RALGAPA2: variants seen among roughly 807,000 people sequenced by gnomAD.
The protein encoded by RALGAPA2 is Ral GTPase activating protein catalytic subunit alpha 2.
A neutral mutation model predicts 230.4 loss-of-function variants in RALGAPA2; 139 were observed. The ratio of observed to expected loss-of-function variants is 0.60; its 90% CI spans 0.53 to 0.69. The LOEUF (loss-of-function observed/expected upper bound fraction) is 0.69. Among genes scored for constraint, RALGAPA2 ranks in the 30% least tolerant of loss-of-function variants. The pLI is 0.00. For missense variants in RALGAPA2, 2,163 were observed against 2,276.0 expected, an observed-to-expected ratio of 0.95 and a Z score of 1.01; for synonymous variants, 847 against 837.8, an observed-to-expected ratio of 1.01 and a Z score of -0.19.
At chr20:20,418,608 G>C (rs1602312313) in intron 37 of RALGAPA2, among the ~76,000 whole-genome samples, 1 of 152,188 alleles carries the variant, frequency 6.6e-6, no homozygotes, top group East Asian at 1.9e-4. Flanking sequence ...TCACACAATG[G>C]GATATTATAT....
Position 20,512,872 on chromosome 20 carries a change from C to A in RALGAPA2, c.4497G>T (p.Trp1499Cys), listed in dbSNP as rs1399011151. 6.2e-7 allele frequency: 1 copy of A among 1,613,738 alleles called. No homozygotes were observed. The highest frequency in any genetic ancestry group is 1.1e-5 in the South Asian group (1 of 91,080). The change falls in exon 32 of 40, where the codon TGG (tryptophan) becomes TGT (cysteine). Residue 1499 changes from tryptophan to cysteine, a missense_variant. By Grantham distance (215) the Trp-to-Cys change is radical. Transcript: ENST00000202677. The part of the protein sequence containing the change: ...GRNPSFLISS[W>C]HRDTFGPQKD... ...TCTGAGGTCCAAATGTGTCACGATGCCAGCTCGAAATCAGAAATGAAGGAT... is the reference window on the plus strand; with the variant it reads ...TCTGAGGTCCAAATGTGTCACGATGACAGCTCGAAATCAGAAATGAAGGAT...
chr20:20,697,266 G>A (rs773487993), intron 1 of RALGAPA2, among the ~76,000 whole-genome samples: 2 of 152,010 alleles, frequency 1.3e-5, no homozygotes, highest in Non-Finnish European at 2.9e-5. Flanking sequence ...GGAGAGCAAG[G>A]CTGCAGTGAG....
chr20:20,611,086 A>G (rs897626740), intron 14 of RALGAPA2, among the ~76,000 whole-genome samples: 5 of 151,960 alleles, frequency 3.3e-5, no homozygotes, highest in African/African-American at 1.2e-4. Context: ...AATTCCTACC[A>G]CCCTTGAGCA....
In RALGAPA2 at chr20:20,437,345, G is replaced by A. The variant is rs1373726932; in HGVS notation, c.5496-25197C>T. On this transcript the variant is annotated intron_variant, in intron 37 of 39. Transcript: ENST00000202677. This position sits in a 1 kb window ranked among gnomAD's most constrained non-coding sequence, Gnocchi z 4.1. ...ACCTGACCACTTGTCACCACCACAC[G>A]CCACCATCCAGGCCACGCCATTGTC... 1.3e-5 allele frequency among the ~76,000 whole-genome samples: 2 copies of A among 151,890 alleles called. No homozygotes were observed. Among genetic ancestry groups the A allele is most frequent in the East Asian group, 1.9e-4 (1 of 5,160 alleles).
At chr20:20,485,196 A>G (rs777278385) in intron 36 of RALGAPA2, among the ~76,000 whole-genome samples, 33 of 151,868 alleles carry the variant, frequency 2.2e-4, no homozygotes, top group Non-Finnish European at 3.7e-4. Context: ...ATTTGGGCCA[A>G]CTCCTCACTG....
chr20:20,465,132 C>T (rs901234192), intron 37 of RALGAPA2, among the ~76,000 whole-genome samples: 2 of 146,722 alleles, frequency 1.4e-5, no homozygotes, highest in Admixed American at 1.4e-4. Flanking sequence ...CAGCTTCTTC[C>T]CTCCCCCCGC....
At chr20:20,528,281 C>A (rs1602661787) in intron 27 of RALGAPA2, among the ~76,000 whole-genome samples, 2 of 152,206 alleles carry the variant, frequency 1.3e-5, no homozygotes, top group African/African-American at 4.8e-5. Flanking sequence ...GAGTGCCATG[C>A]TGAGCGCTCC....
At chr20:20,585,523 T>G (rs2065109092) in intron 18 of RALGAPA2, among the ~76,000 whole-genome samples, 1 of 152,134 alleles carries the variant, frequency 6.6e-6, no homozygotes, top group East Asian at 1.9e-4. Flanking sequence ...CATACACAAA[T>G]TACACAAAAT....
At chr20:20,678,571 C>G (rs1386886692) in intron 2 of RALGAPA2, among the ~76,000 whole-genome samples, 1 of 152,128 alleles carries the variant, frequency 6.6e-6, no homozygotes, top group Non-Finnish European at 1.5e-5. Context: ...CTCTCCATGT[C>G]TCTTCTTTTT....
At chr20:20,643,480 A>G in intron 5 of RALGAPA2, 26 bp downstream of exon 5, 3 of 1,457,734 alleles carry the variant, frequency 2.1e-6, no homozygotes, top group Non-Finnish European at 2.8e-6. Flanking sequence ...GTAATAAAAA[A>G]TGTCATTACA....
At chr20:20,645,876 C>T (rs2067195087) in intron 4 of RALGAPA2, among the ~76,000 whole-genome samples, 1 of 151,972 alleles carries the variant, frequency 6.6e-6, no homozygotes, top group Non-Finnish European at 1.5e-5. Context: ...ATGCACAGAA[C>T]AGTGCCGGGT....
At chr20:20,481,669 GA>G (rs1306248748) in intron 36 of RALGAPA2, among the ~76,000 whole-genome samples, 4 of 152,158 alleles carry the variant, frequency 2.6e-5, no homozygotes, top group Non-Finnish European at 5.9e-5. Flanking sequence ...GTGAACACAG[GA>G]TGTGTACACA....
chr20:20,540,234 G>A (rs1422887474), intron 24 of RALGAPA2, among the ~76,000 whole-genome samples: 1 of 152,152 alleles, frequency 6.6e-6, no homozygotes, highest in Non-Finnish European at 1.5e-5. Context: ...CAAAAGTGTA[G>A]TACACGGGGA....
intron 1 of RALGAPA2, among the ~76,000 whole-genome samples, chr20:20,686,712 T>C (rs920444508): frequency 1.3e-5 from 2 of 152,224 alleles, no homozygotes; most frequent in Non-Finnish European, 2.9e-5. Context: ...CAGTAAGTAC[T>C]ACCAGTATAC....
intron 15 of RALGAPA2, 119 bp downstream of exon 15, chr20:20,605,056 G>C (rs1281097678): frequency 2.6e-6 from 2 of 760,576 alleles, no homozygotes; most frequent in Admixed American, 4.7e-5. Context: ...CTATTAAGAA[G>C]ACACTGTGTA....
intron 33 of RALGAPA2, among the ~76,000 whole-genome samples, chr20:20,507,953 CTT>C (rs1160729654): frequency 6.6e-6 from 1 of 152,156 alleles, no homozygotes; most frequent in South Asian, 2.1e-4. Context: ...TTTAATTTTT[CTT>C]TGTTTTATAG....
intron 23 of RALGAPA2, among the ~76,000 whole-genome samples, chr20:20,564,603 G>T (rs1243917120): frequency 1.3e-5 from 2 of 152,152 alleles, no homozygotes; most frequent in African/African-American, 4.8e-5. Flanking sequence ...ATAATAAAGT[G>T]CCTAAAAATA....
At chr20:20,697,250 A>G (rs951511127) in intron 1 of RALGAPA2, among the ~76,000 whole-genome samples, 1 of 152,138 alleles carries the variant, frequency 6.6e-6, no homozygotes, top group Non-Finnish European at 1.5e-5. Flanking sequence ...CTCTCACTTG[A>G]GCCTGGGAGA....
At chr20:20,525,984 A>C (rs1050021174) in intron 28 of RALGAPA2, among the ~76,000 whole-genome samples, 1 of 152,152 alleles carries the variant, frequency 6.6e-6, no homozygotes, top group African/African-American at 2.4e-5. Context: ...AATGAAGCCC[A>C]ATCTACAAAA....
Sources: allele counts gnomAD v4.1 joint callset (sites outside exome capture counted in the v4.1 genomes callset), GRCh38; gene constraint gnomAD v4.1.1; non-coding constraint Gnocchi (gnomAD v3.1); transcripts MANE v1.5; gene names NCBI Gene and HGNC (gene_info 2026-07-23, HGNC 2026-07-21).